The following CHRNA9 variants were observed in gnomAD, a reference collection of about 807,000 sequenced individuals.
CHRNA9 encodes cholinergic receptor nicotinic alpha 9 subunit.
A neutral mutation model predicts 36.8 loss-of-function variants in CHRNA9; 24 were observed. That is an observed-to-expected ratio of 0.65 (90% CI 0.47 to 0.92). The LOEUF is 0.92. CHRNA9 is among the 40% of genes least tolerant of loss of function. The pLI is 0.00. For missense variants in CHRNA9, 610 were observed against 601.2 expected, an observed-to-expected ratio of 1.01 and a Z score of -0.15; for synonymous variants, 231 against 231.8, an observed-to-expected ratio of 1.00 and a Z score of 0.03.
chr4:40,339,136 G>A (rs149064175), intron 3 of CHRNA9, among the ~76,000 whole-genome samples: 2 of 151,792 alleles, frequency 1.3e-5, no homozygotes, highest in Admixed American at 6.6e-5. Context: ...AAAATCAGCT[G>A]GGTGTGGTGG....
At chr4:40,339,872 G>T (rs1363195325) in intron 3 of CHRNA9, among the ~76,000 whole-genome samples, 1 of 151,698 alleles carries the variant, frequency 6.6e-6, no homozygotes, top group African/African-American at 2.4e-5. Context: ...TCATCATGTT[G>T]CCCAGGCTGG....
At chr4:40,344,418 C>T (rs1263834918) in intron 3 of CHRNA9, among the ~76,000 whole-genome samples, 3 of 151,954 alleles carry the variant, frequency 2.0e-5, no homozygotes, top group East Asian at 3.9e-4. Flanking sequence ...CCTGTAATCC[C>T]AGCTACTCGG....
At chr4:40,346,833 T>A (rs894536497) in intron 3 of CHRNA9, among the ~76,000 whole-genome samples, 1 of 152,062 alleles carries the variant, frequency 6.6e-6, no homozygotes, top group Non-Finnish European at 1.5e-5. Flanking sequence ...GTTGTTGAGA[T>A]GGAGTCTCAC....
intron 3 of CHRNA9, 44 bp from the exon 4 acceptor site, chr4:40,348,838 G>A (rs1457129452): frequency 2.5e-6 from 4 of 1,588,094 alleles, no homozygotes; most frequent in South Asian, 1.1e-5. Context: ...AAGGTGGCAA[G>A]TTCTCCTAGC....
intron 4 of CHRNA9, among the ~76,000 whole-genome samples, chr4:40,350,870 G>A (rs75232241): frequency 0.021 from 3,204 of 152,138 alleles, 125 homozygotes; most frequent in African/African-American, 0.075. Flanking sequence ...AAAGATCATG[G>A]GGCGGTCCCA....
chr4:40,354,407 T>C lies in CHRNA9; in HGVS notation c.1327T>C (p.Ser443Pro). 1 of 1,614,076 alleles carries C rather than the reference T, an allele frequency of 6.2e-7. No homozygotes were observed. The highest frequency in any genetic ancestry group is 1.1e-5 in the South Asian group (1 of 91,082). ...CCTCAAAGACCACAAGGCCACCAAT[T>C]CCAAGGGGAGTGAATGGAAGAAGGT... is the stretch of plus-strand genomic sequence containing the variant. ...KCLKDHKATN[S>P]KGSEWKKVAK... Residue 443 changes from serine to proline, a missense_variant, in exon 5 of 5, where the codon TCC becomes CCC. Transcript: ENST00000310169.
chr4:40,339,279 C>CAAAAAAAAAAAAAAAAAAAAA (rs61634062), intron 3 of CHRNA9, among the ~76,000 whole-genome samples: 2 of 71,158 alleles, frequency 2.8e-5, no homozygotes, highest in African/African-American at 5.8e-5. Context: ...GACTCCATCT[C>CAAAAAAAAAAAAAAAAAAAAA]AAAAAAAAAA....
intron 3 of CHRNA9, among the ~76,000 whole-genome samples, chr4:40,339,817 C>A (rs1279538879): frequency 6.6e-6 from 1 of 150,844 alleles, no homozygotes; most frequent in Non-Finnish European, 1.5e-5. Context: ...TGCATGCCAC[C>A]ATGCCTAGTT....
chr4:40,351,500 G>A (rs2109689496), intron 4 of CHRNA9, among the ~76,000 whole-genome samples: 1 of 152,134 alleles, frequency 6.6e-6, no homozygotes, highest in Middle Eastern at 3.4e-3. Flanking sequence ...TAGGAAAAGT[G>A]CCCACAGATC....
In CHRNA9 at chr4:40,354,715, G is replaced by C. The variant is rs1712911395; in HGVS notation, c.*195G>C. ...CAGAAGAACCAAAATTTCAAGGGTAGGAAGATGGAAGAAATAGGGAAAGAG... is the reference window on the plus strand; with the variant it reads ...CAGAAGAACCAAAATTTCAAGGGTACGAAGATGGAAGAAATAGGGAAAGAG... On this transcript the variant is annotated 3_prime_UTR_variant, in exon 5 of 5. Transcript: ENST00000310169. 1.1e-5 allele frequency: 6 copies of C among 537,182 alleles called. No homozygotes were observed. Among genetic ancestry groups the C allele is most frequent in the Admixed American group, 6.5e-5 (2 of 30,754 alleles). The allele number at this position is 537,182 out of a possible 1,614,324, so 33.3% of individuals were successfully genotyped here.
chr4:40,345,606 G>A (rs955632451), intron 3 of CHRNA9, among the ~76,000 whole-genome samples: 3 of 151,770 alleles, frequency 2.0e-5, no homozygotes, highest in Non-Finnish European at 4.4e-5. Flanking sequence ...CAGCACCTCG[G>A]GAGTCTGGGG....
intron 3 of CHRNA9, among the ~76,000 whole-genome samples, chr4:40,343,602 C>T (rs1712560795): frequency 6.6e-6 from 1 of 152,206 alleles, no homozygotes; most frequent in Non-Finnish European, 1.5e-5. Context: ...AACCATATCA[C>T]TGCCTGAAGG....
intron 2 of CHRNA9, 146 bp from the exon 3 acceptor site, chr4:40,337,064 G>C: frequency 2.8e-6 from 2 of 711,572 alleles, no homozygotes; most frequent in South Asian, 4.0e-5. Context: ...CAAGGGGATA[G>C]AATAAATAAA....
At chr4:40,344,981 G>T (rs886589391) in intron 3 of CHRNA9, among the ~76,000 whole-genome samples, 1 of 152,130 alleles carries the variant, frequency 6.6e-6, no homozygotes, top group African/African-American at 2.4e-5. Context: ...CAGAAAAGGG[G>T]GACTATTATG....
intron 3 of CHRNA9, among the ~76,000 whole-genome samples, chr4:40,341,134 G>T (rs538663221): frequency 2.7e-4 from 41 of 152,136 alleles, no homozygotes; most frequent in Non-Finnish European, 4.6e-4. Flanking sequence ...GTTCTGGCAG[G>T]AATGTTTAGT....
At chr4:40,336,508 T>TCAC (rs1712323508) in intron 2 of CHRNA9, among the ~76,000 whole-genome samples, 1 of 152,146 alleles carries the variant, frequency 6.6e-6, no homozygotes, top group Non-Finnish European at 1.5e-5. Flanking sequence ...AGACGGAGTC[T>TCAC]TGCTGTCACC....
intron 3 of CHRNA9, among the ~76,000 whole-genome samples, chr4:40,339,790 G>A (rs571215545): frequency 2.0e-5 from 3 of 151,842 alleles, no homozygotes; most frequent in Admixed American, 1.3e-4. Flanking sequence ...TGCCTCCTGA[G>A]TAGCTGGGAC....
chr4:40,337,313 T>A lies in CHRNA9; in HGVS notation c.314T>A (p.Ile105Asn), dbSNP rs1450521322. Residue 105 changes from isoleucine to asparagine, a missense_variant, in exon 3 of 5, where the codon ATC becomes AAC. Coordinates refer to ENST00000310169, the MANE Select transcript of CHRNA9 (RefSeq NM_017581.4). ...DRDQYDGLDS[I>N]RIPSDLVWRP... Reference sequence around the variant, plus strand: ...GATCAGTACGATGGCCTAGACTCCATCAGGATCCCCAGTGACCTCGTGTGG... The same window carrying A: ...GATCAGTACGATGGCCTAGACTCCAACAGGATCCCCAGTGACCTCGTGTGG... The A allele has an allele frequency of 6.2e-7, 1 of 1,614,220 alleles. No homozygotes were observed. Among genetic ancestry groups the A allele is most frequent in the Non-Finnish European group, 8.5e-7 (1 of 1,180,030 alleles).
chr4:40,344,143 C>T (rs1712573058), intron 3 of CHRNA9, among the ~76,000 whole-genome samples: 1 of 152,218 alleles, frequency 6.6e-6, no homozygotes, highest in Non-Finnish European at 1.5e-5. Context: ...AACAGATCTT[C>T]CCCTGGAGTC....
Sources: allele counts gnomAD v4.1 joint callset (sites outside exome capture counted in the v4.1 genomes callset), GRCh38; gene constraint gnomAD v4.1.1; transcripts MANE v1.5; gene names NCBI Gene and HGNC (gene_info 2026-07-23, HGNC 2026-07-21).